PDZD2: variants seen among roughly 807,000 people sequenced by gnomAD.
PDZD2 encodes the protein PDZ domain-containing protein 2.
Under a neutral mutation model 220.7 loss-of-function variants are expected in PDZD2, and 90 were observed. The ratio of observed to expected loss-of-function variants is 0.41; its 90% CI spans 0.34 to 0.49. The LOEUF (loss-of-function observed/expected upper bound fraction) is 0.49. PDZD2 is among the 20% of genes least tolerant of loss of function. PDZD2 has a pLI of 0.28. For missense variants in PDZD2, 3,174 were observed against 3,608.5 expected (o/e 0.88, Z 3.08); for synonymous variants, 1,375 against 1,450.5 (o/e 0.95, Z 1.18).
chr5:31,868,446 AAAAT>A (rs930557356), intron 2 of PDZD2, among the ~76,000 whole-genome samples: 1 of 152,178 alleles, frequency 6.6e-6, no homozygotes, highest in African/African-American at 2.4e-5. Context: ...ACTCCATCTC[AAAAT>A]AAATAAATAA....
At chr5:32,069,444 C>A in intron 14 of PDZD2, 125 bp from the exon 15 acceptor site, 1 of 654,120 alleles carries the variant, frequency 1.5e-6, no homozygotes, top group South Asian at 1.8e-5. Flanking sequence ...GGAGGATGGT[C>A]ATAATCCTTG....
At position 31,658,626 on chromosome 5, in the gene PDZD2, T is replaced by TC. The variant is rs200349513; in HGVS notation, c.-361+19189_-361+19190insC. ...TGGTCTATGTGGGCTGTTTTCACTT[T>TC]TTTTTTTTTTTGAGACGGAGTCTCA... On this transcript the variant is annotated intron_variant, in intron 1 of 24. Transcript: ENST00000438447. 3.2e-4 allele frequency among the ~76,000 whole-genome samples: 49 copies of TC among 151,374 alleles called. No individual in the cohort carries two copies. In the South Asian group the frequency reaches 3.8e-3, roughly 12 times the overall value.
chr5:31,641,433 G>C (rs1457501053), intron 1 of PDZD2, among the ~76,000 whole-genome samples: 1 of 152,162 alleles, frequency 6.6e-6, no homozygotes, highest in Admixed American at 6.5e-5. Context: ...TAGAAGTCGA[G>C]AGGTTGATCC....
chr5:31,966,371 A>G (rs1159874855), intron 2 of PDZD2, among the ~76,000 whole-genome samples: 1 of 152,246 alleles, frequency 6.6e-6, no homozygotes, highest in Non-Finnish European at 1.5e-5. Flanking sequence ...CATTAAAAGC[A>G]AGCTTTGCAT....
chr5:32,088,747 A>C lies in PDZD2; in HGVS notation c.5299A>C (p.Asn1767His). ...CTCCTTCAGTGTGGATGTCCCTAAGAATGGAGAATCTGTTTTGGAAAACCT... is the reference window on the plus strand; with the variant it reads ...CTCCTTCAGTGTGGATGTCCCTAAGCATGGAGAATCTGTTTTGGAAAACCT... ...LSSFSVDVPK[N>H]GESVLENLHI... Residue 1767 changes from asparagine to histidine, a missense_variant, in exon 20 of 25, where the codon AAT becomes CAT. Transcript: ENST00000438447. The surrounding 1 kb of genome is among the most constrained non-coding windows in gnomAD (Gnocchi z 4.6). 6.2e-7 allele frequency: 1 copy of C among 1,614,072 alleles called. No homozygotes were observed. The highest frequency in any genetic ancestry group is 8.5e-7 in the Non-Finnish European group (1 of 1,179,966).
chr5:31,894,410 A>G (rs1206242496), intron 2 of PDZD2, among the ~76,000 whole-genome samples: 3 of 151,804 alleles, frequency 2.0e-5, no homozygotes, highest in Non-Finnish European at 4.4e-5. Flanking sequence ...CTCAGTCCAG[A>G]TTTTCCTGCT....
chr5:31,777,072 C>T (rs1388563745), intron 1 of PDZD2, among the ~76,000 whole-genome samples: 8 of 152,152 alleles, frequency 5.3e-5, no homozygotes, highest in African/African-American at 9.6e-5. Context: ...AGCCTGGAGC[C>T]GGCTCCCTCT....
chr5:32,092,382 G>A (rs546891471), intron 20 of PDZD2, among the ~76,000 whole-genome samples: 1 of 151,712 alleles, frequency 6.6e-6, no homozygotes, highest in South Asian at 2.1e-4. Flanking sequence ...AGACCAGCCT[G>A]GCCAATATGG....
At chr5:31,998,511 A>T (rs1751825511) in intron 4 of PDZD2, among the ~76,000 whole-genome samples, 1 of 152,210 alleles carries the variant, frequency 6.6e-6, no homozygotes, top group Non-Finnish European at 1.5e-5. Context: ...AAGTCAGTTG[A>T]TTCATTGAAA....
At chr5:31,997,033 C>A (rs145183667) in intron 4 of PDZD2, among the ~76,000 whole-genome samples, 10 of 152,350 alleles carry the variant, frequency 6.6e-5, no homozygotes, top group Non-Finnish European at 1.2e-4. Context: ...CTCTTGACTG[C>A]TAGCTAATTG....
intron 3 of PDZD2, among the ~76,000 whole-genome samples, chr5:31,988,864 C>G (rs1028190307): frequency 3.9e-5 from 6 of 152,140 alleles, no homozygotes; most frequent in African/African-American, 1.4e-4. Context: ...GGGGACCAAG[C>G]CTCAAGACAC....
chr5:32,006,353 A>ATTTTTT (rs71912250), intron 5 of PDZD2, among the ~76,000 whole-genome samples: 1 of 134,352 alleles, frequency 7.4e-6, no homozygotes, highest in Non-Finnish European at 1.6e-5. Context: ...AGGAAGTACA[A>ATTTTTT]TTTTTTTTTT....
At position 31,950,226 on chromosome 5, in the gene PDZD2, C is replaced by T. The variant is rs144820215; in HGVS notation, c.477-32929C>T. Among the ~76,000 whole-genome samples the T allele has an allele frequency of 3.5e-3, 537 of 152,216 alleles. 3 individuals are homozygous for T. The highest frequency in any genetic ancestry group is 0.012 in the African/African-American group (510 of 41,538). ...TCCTGTGGGATCAGATTCTGATCCA[C>T]GAGCCTGGGCCCATGATCCTGGCAC... On this transcript the variant is annotated intron_variant, in intron 2 of 24. Coordinates refer to ENST00000438447, the MANE Select transcript of PDZD2 (RefSeq NM_178140.4).
At position 31,852,121 on chromosome 5, in the gene PDZD2, C is replaced by T. The variant is rs975607273; in HGVS notation, c.476+52397C>T. ...CCGCCTGCCTCGGCCTCCCAAAGTG[C>T]TGGAATCACAGGCGTGAGCCACCGT... On this transcript the variant is annotated intron_variant, in intron 2 of 24. Transcript: ENST00000438447. 4.6e-5 allele frequency among the ~76,000 whole-genome samples: 7 copies of T among 152,186 alleles called. No homozygotes were observed. The South Asian group carries it at 1.2e-3, about 27-fold the overall frequency.
At chr5:32,044,968 A>T (rs1737790694) in intron 7 of PDZD2, among the ~76,000 whole-genome samples, 1 of 152,208 alleles carries the variant, frequency 6.6e-6, no homozygotes, top group Non-Finnish European at 1.5e-5. Context: ...TTTTAATGTG[A>T]TCAGCTCTTA....
rs1482501383 is a variant in PDZD2, at chr5:32,090,167, C to A, written c.6719C>A (p.Pro2240Gln). Residue 2240 changes from proline to glutamine, a missense_variant, in exon 20 of 25, where the codon CCA (proline) becomes CAA (glutamine). This residue lies in a region of PDZD2 where 631 missense variants were observed against 789.9 expected (regional missense o/e 0.80). Transcript: ENST00000438447. The surrounding 1 kb of genome is among the most constrained non-coding windows in gnomAD (Gnocchi z 4.3). ...SSHFGREGHPPHSLGRSRDSQ... is the reference protein window; with the variant it reads ...SSHFGREGHPQHSLGRSRDSQ... The stretch of plus-strand genomic sequence containing the variant: ...CATTTTGGACGGGAGGGTCACCCCC[C>A]ACACAGCCTGGGTCGCTCTCGGGAC... 1 of 1,614,094 alleles carries A rather than the reference C, an allele frequency of 6.2e-7. No homozygotes were observed. The highest frequency in any genetic ancestry group is 2.2e-5 in the East Asian group (1 of 44,860).
At chr5:31,784,750 T>C (rs1753277595) in intron 1 of PDZD2, among the ~76,000 whole-genome samples, 1 of 151,912 alleles carries the variant, frequency 6.6e-6, no homozygotes, top group Non-Finnish European at 1.5e-5. Flanking sequence ...CTACTAAAAA[T>C]ACAAAAATTA....
chr5:31,719,314 T>C (rs557208750), intron 1 of PDZD2, among the ~76,000 whole-genome samples: 74 of 152,182 alleles, frequency 4.9e-4, no homozygotes, highest in African/African-American at 1.7e-3. Context: ...ATCTATTAGG[T>C]AAAATTCCAG....
In PDZD2 at chr5:32,048,662, T is replaced by A; in HGVS notation, c.1643T>A (p.Leu548Gln). 1 of 1,614,116 alleles carries A rather than the reference T, an allele frequency of 6.2e-7. No individual in the cohort carries two copies. The highest frequency in any genetic ancestry group is 1.3e-5 in the African/African-American group (1 of 75,048). ...CGGAAACACTCCCTCCCGCAGCTGCTGGACTCTTCCAGTGCCTCACAGGTC... is the reference window on the plus strand; with the variant it reads ...CGGAAACACTCCCTCCCGCAGCTGCAGGACTCTTCCAGTGCCTCACAGGTC... ...DGRKHSLPQL[L>Q]DSSSASQEYH... The change falls in exon 8 of 25, where the codon CTG (leucine) becomes CAG (glutamine). Residue 548 changes from leucine (L) to glutamine (Q), a missense_variant. This residue lies in a region of PDZD2 where 632 missense variants were observed against 708.1 expected (regional missense o/e 0.89). Coordinates refer to ENST00000438447, the MANE Select transcript of PDZD2 (RefSeq NM_178140.4).
Sources: gnomAD v4.1 joint callset for allele counts (sites outside exome capture counted in the v4.1 genomes callset) on GRCh38, gnomAD v4.1.1 for gene constraint, gnomAD v4.1.1 regional missense constraint, Gnocchi (gnomAD v3.1) non-coding constraint, MANE v1.5 for transcripts, NCBI Gene and HGNC (gene_info 2026-07-23, HGNC 2026-07-21) for gene names.